Variants in DOCK5 observed in about 807,000 individuals in gnomAD.
DOCK5 encodes the protein dedicator of cytokinesis protein 5.
Under a neutral mutation model 251.8 loss-of-function variants are expected in DOCK5, and 142 were observed. That is an observed-to-expected ratio of 0.56 (90% CI 0.49 to 0.65). DOCK5 has a LOEUF of 0.65. Among genes scored for constraint, DOCK5 ranks in the 30% least tolerant of loss-of-function variants. The pLI is 0.00. For missense variants in DOCK5, 2,111 were observed against 2,312.3 expected (o/e 0.91, Z 1.79); for synonymous variants, 842 against 835.5 (o/e 1.01, Z -0.13).
chr8:25,267,904 C>T (rs1378403693), intron 2 of DOCK5, among the ~76,000 whole-genome samples: 1 of 151,806 alleles, frequency 6.6e-6, no homozygotes, highest in African/African-American at 2.4e-5. Context: ...GCTCTGTTGC[C>T]TAGGCTGGAG....
chr8:25,319,730 C>T (rs1805369351), intron 15 of DOCK5, 54 bp downstream of exon 15: 1 of 1,330,430 alleles, frequency 7.5e-7, no homozygotes, highest in African/African-American at 1.5e-5. Context: ...AGTTAGATTC[C>T]TATCTTCTGT....
At chr8:25,364,590 C>A in intron 29 of DOCK5, 36 bp from the exon 30 acceptor site, 2 of 1,486,252 alleles carry the variant, frequency 1.3e-6, no homozygotes, top group Non-Finnish European at 1.9e-6. Flanking sequence ...AAAGGACATA[C>A]AGTTGGCTTC....
chr8:25,331,230 GACACAC>G lies in DOCK5; in HGVS notation c.1904-985_1904-980del, dbSNP rs60869427. On this transcript the variant is annotated intron_variant, in intron 18 of 51. Transcript: ENST00000276440. Reference sequence around the variant, plus strand: ...GTCCAGATAACTGCAGTTTCTCTGTGACACACACACACACACACACACACACACACA... The same window carrying G: ...GTCCAGATAACTGCAGTTTCTCTGTGACACACACACACACACACACACACA... Among the ~76,000 whole-genome samples, 484 of 140,340 alleles carry G rather than the reference GACACAC, an allele frequency of 3.4e-3. 2 individuals carry two copies. Among genetic ancestry groups the G allele is most frequent in the African/African-American group, 7.6e-3 (291 of 38,156 alleles). The allele number at this position is 140,340 out of a possible 152,430, so 92.1% of individuals were successfully genotyped here. A position where few individuals can be genotyped will look rare whatever the true frequency, so the allele number is the denominator to read the frequency against.
intron 28 of DOCK5, among the ~76,000 whole-genome samples, chr8:25,359,926 G>A (rs550251890): frequency 6.6e-6 from 1 of 152,370 alleles, no homozygotes; most frequent in East Asian, 1.9e-4. Flanking sequence ...TCCGGCTGTG[G>A]CTTCACGGCA....
intron 1 of DOCK5, among the ~76,000 whole-genome samples, chr8:25,237,839 C>G (rs1464257877): frequency 1.3e-5 from 2 of 152,234 alleles, no homozygotes; most frequent in Non-Finnish European, 2.9e-5. Context: ...GGCGTTAGAA[C>G]CAGAGGGCTC....
intron 18 of DOCK5, among the ~76,000 whole-genome samples, chr8:25,327,437 TCTGGA>T (rs1313167346): frequency 2.0e-5 from 3 of 152,198 alleles, no homozygotes; most frequent in Non-Finnish European, 4.4e-5. Flanking sequence ...GATTATCCTT[TCTGGA>T]CTACAGATTA....
intron 2 of DOCK5, among the ~76,000 whole-genome samples, chr8:25,259,998 G>A (rs988573060): frequency 7.9e-5 from 12 of 152,204 alleles, no homozygotes; most frequent in African/African-American, 2.9e-4. Context: ...GACATCTTGA[G>A]ACCTGAGGCT....
intron 2 of DOCK5, among the ~76,000 whole-genome samples, chr8:25,256,292 T>C (rs1403292690): frequency 6.6e-6 from 1 of 152,180 alleles, no homozygotes; most frequent in African/African-American, 2.4e-5. Flanking sequence ...GAACAATGAG[T>C]ATTACATTAC....
At chr8:25,357,349 C>T (rs1490010883) in intron 27 of DOCK5, among the ~76,000 whole-genome samples, 1 of 145,976 alleles carries the variant, frequency 6.9e-6, no homozygotes, top group East Asian at 2.0e-4. Flanking sequence ...TAAGTTTATA[C>T]TGCTTTATAA....
chr8:25,237,232 G>C (rs1802825841), intron 1 of DOCK5, among the ~76,000 whole-genome samples: 2 of 151,960 alleles, frequency 1.3e-5, no homozygotes, highest in Admixed American at 1.3e-4. Flanking sequence ...AGCCAGGTGT[G>C]GTGGCACATG....
intron 45 of DOCK5, among the ~76,000 whole-genome samples, chr8:25,396,763 C>T (rs867400576): frequency 6.8e-6 from 1 of 147,212 alleles, no homozygotes; most frequent in African/African-American, 2.5e-5. Context: ...CTCTTGTGTC[C>T]GTGTGTGTGT....
intron 10 of DOCK5, among the ~76,000 whole-genome samples, chr8:25,303,976 A>G (rs1349810353): frequency 1.3e-5 from 2 of 152,204 alleles, no homozygotes; most frequent in Admixed American, 6.5e-5. Context: ...AATAAAAAGC[A>G]AAAGAATTTA....
chr8:25,252,842 A>AT, intron 2 of DOCK5, among the ~76,000 whole-genome samples: 1 of 152,078 alleles, frequency 6.6e-6, no homozygotes, highest in South Asian at 2.1e-4. Flanking sequence ...ATCTTTATTT[A>AT]TTTTTTTGAG....
At chr8:25,228,841 A>G (rs957057301) in intron 1 of DOCK5, among the ~76,000 whole-genome samples, 10 of 151,932 alleles carry the variant, frequency 6.6e-5, no homozygotes, top group African/African-American at 2.4e-4. Context: ...TCTATGTTTT[A>G]TTTAGAGAAT....
At position 25,363,043 on chromosome 8, in the gene DOCK5, G is replaced by T. The variant is rs564216810; in HGVS notation, c.2950-4G>T. 6.2e-7 allele frequency: 1 copy of T among 1,613,242 alleles called. No homozygotes were observed. Among genetic ancestry groups the T allele is most frequent in the Non-Finnish European group, 8.5e-7 (1 of 1,179,282 alleles). On this transcript the variant is annotated splice_polypyrimidine_tract_variant and splice_region_variant and intron_variant, in intron 28 of 51. Transcript: ENST00000276440. ...TCCCCCAACCACTCCTCTGTTCTCC[G>T]CAGGACTTCCTCATGGAAACTTTTA... is the stretch of plus-strand genomic sequence containing the variant.
chr8:25,389,496 A>G (rs545894307), intron 41 of DOCK5, among the ~76,000 whole-genome samples: 16 of 152,324 alleles, frequency 1.1e-4, no homozygotes, highest in African/African-American at 3.8e-4. Context: ...CTTAAGTGGA[A>G]TATATACTTT....
At chr8:25,234,058 C>T (rs1338444084) in intron 1 of DOCK5, among the ~76,000 whole-genome samples, 1 of 152,216 alleles carries the variant, frequency 6.6e-6, no homozygotes, top group African/African-American at 2.4e-5. Flanking sequence ...CTCAGACTGG[C>T]CCAGGGCCGG....
intron 45 of DOCK5, among the ~76,000 whole-genome samples, chr8:25,396,353 C>T (rs913383145): frequency 7.2e-5 from 11 of 152,146 alleles, no homozygotes; most frequent in Admixed American, 2.0e-4. Context: ...TGCACTCCAG[C>T]TTGGGTGGCG....
chr8:25,291,180 G>A (rs1011672158), intron 5 of DOCK5, among the ~76,000 whole-genome samples: 4 of 152,126 alleles, frequency 2.6e-5, no homozygotes, highest in African/African-American at 9.7e-5. Flanking sequence ...AAACCCAGGA[G>A]GGGCATGGCT....
Sources: allele counts gnomAD v4.1 joint callset (sites outside exome capture counted in the v4.1 genomes callset), GRCh38; gene constraint gnomAD v4.1.1; transcripts MANE v1.5; gene names NCBI Gene and HGNC (gene_info 2026-07-23, HGNC 2026-07-21).